ROBO2: variants seen among roughly 807,000 people sequenced by gnomAD.
ROBO2 encodes the protein roundabout homolog 2.
In ROBO2, 53 loss-of-function variants were observed where a neutral mutation model predicts 160.8. The observed-to-expected ratio is 0.33, with a 90% CI of 0.26 to 0.41. The LOEUF (loss-of-function observed/expected upper bound fraction) is 0.41. Ranked by LOEUF, ROBO2 falls within the 10% of genes least tolerant of loss-of-function variation. The probability of loss-of-function intolerance (pLI) is 1.00; values close to 1 mark genes in which losing one functional copy is unlikely to be tolerated. For synonymous variants in ROBO2, 664 were observed against 611.7 expected, an observed-to-expected ratio of 1.09 and a Z score of -1.26; for missense variants, 1,577 against 1,722.4, an observed-to-expected ratio of 0.92 and a Z score of 1.49.
At chr3:76,029,888 G>C (rs2066862759) in intron 2 of ROBO2, among the ~76,000 whole-genome samples, 1 of 152,250 alleles carries the variant, frequency 6.6e-6, no homozygotes, top group East Asian at 1.9e-4. Context: ...CCCAGTAATG[G>C]AATTGCTGGG....
chr3:76,603,332 C>CAAA (rs61547121), intron 2 of ROBO2, among the ~76,000 whole-genome samples: 8 of 66,526 alleles, frequency 1.2e-4, no homozygotes, highest in East Asian at 8.1e-4. Flanking sequence ...ACTCCATCTC[C>CAAA]AAAAAAAAAA....
intron 2 of ROBO2, among the ~76,000 whole-genome samples, chr3:76,438,518 C>CT (rs2076784863): frequency 6.6e-6 from 1 of 151,736 alleles, no homozygotes; most frequent in Non-Finnish European, 1.5e-5. Context: ...TTTCACTGCT[C>CT]TACCTAATAT....
At chr3:76,873,824 A>G (rs534471531) in intron 2 of ROBO2, among the ~76,000 whole-genome samples, 3 of 152,182 alleles carry the variant, frequency 2.0e-5, no homozygotes, top group Non-Finnish European at 2.9e-5. Context: ...GCTGCTTAGA[A>G]AAGAGGTTCT....
chr3:77,205,898 A>T (rs1424813324), intron 2 of ROBO2, among the ~76,000 whole-genome samples: 1 of 152,132 alleles, frequency 6.6e-6, no homozygotes, highest in Non-Finnish European at 1.5e-5. Context: ...GGTGACTGTA[A>T]CAATTTACTA....
chr3:76,952,367 C>A (rs1425732969), intron 2 of ROBO2, among the ~76,000 whole-genome samples: 2 of 152,140 alleles, frequency 1.3e-5, no homozygotes, highest in East Asian at 3.9e-4. Context: ...ACCACAACCT[C>A]CGCCTCCCGG....
chr3:75,928,609 A>C (rs931241950), intron 1 of ROBO2, among the ~76,000 whole-genome samples: 2 of 152,234 alleles, frequency 1.3e-5, no homozygotes, highest in African/African-American at 4.8e-5. Flanking sequence ...GAGCCAAGTC[A>C]GTTCCCAGAG....
intron 2 of ROBO2, among the ~76,000 whole-genome samples, chr3:76,254,002 T>C (rs1405228064): frequency 6.6e-6 from 1 of 152,142 alleles, no homozygotes; most frequent in Non-Finnish European, 1.5e-5. Flanking sequence ...TATGCTATGA[T>C]AGCAATACAT....
chr3:77,151,313 T>C (rs192473407), intron 2 of ROBO2, among the ~76,000 whole-genome samples: 2 of 152,262 alleles, frequency 1.3e-5, no homozygotes, highest in Admixed American at 6.5e-5. Flanking sequence ...TGATGCTAAC[T>C]GGATTCAGAA....
At chr3:77,034,112 G>A (rs542545599) in intron 2 of ROBO2, among the ~76,000 whole-genome samples, 1 of 151,790 alleles carries the variant, frequency 6.6e-6, no homozygotes, top group African/African-American at 2.4e-5. Context: ...TTTTTGCTAA[G>A]TGAAAGACTA....
chr3:77,354,179 C>A (rs544847895), intron 2 of ROBO2, among the ~76,000 whole-genome samples: 2 of 152,282 alleles, frequency 1.3e-5, no homozygotes, highest in South Asian at 4.1e-4. Context: ...AAGGGCAATA[C>A]CAGGAATAGT....
At chr3:76,110,530 A>G (rs2070180692) in intron 2 of ROBO2, among the ~76,000 whole-genome samples, 1 of 152,148 alleles carries the variant, frequency 6.6e-6, no homozygotes, top group Non-Finnish European at 1.5e-5. Context: ...GTTAAATATA[A>G]GATGGAAAAT....
chr3:76,921,026 A>G (rs1198615430), intron 2 of ROBO2, among the ~76,000 whole-genome samples: 1 of 152,138 alleles, frequency 6.6e-6, no homozygotes, highest in African/African-American at 2.4e-5. Flanking sequence ...TGAGCCAGAG[A>G]ATGGAGGGTG....
intron 2 of ROBO2, among the ~76,000 whole-genome samples, chr3:76,006,343 C>T (rs1223193694): frequency 1.3e-5 from 2 of 152,070 alleles, no homozygotes; most frequent in Non-Finnish European, 2.9e-5. Flanking sequence ...TCTGGATCTT[C>T]CAGTGATAGC....
chr3:77,232,161 A>G (rs1453437472), intron 2 of ROBO2, among the ~76,000 whole-genome samples: 4 of 152,216 alleles, frequency 2.6e-5, no homozygotes, highest in South Asian at 2.1e-4. Context: ...CTGCTATTAT[A>G]AAGTTGCATT....
chr3:76,508,280 C>T (rs537337887), intron 2 of ROBO2, among the ~76,000 whole-genome samples: 4 of 152,152 alleles, frequency 2.6e-5, no homozygotes, highest in Admixed American at 1.3e-4. Flanking sequence ...ATTAGAACTA[C>T]GTTCAAATTT....
chr3:76,723,757 A>G (rs1358059171), intron 2 of ROBO2, among the ~76,000 whole-genome samples: 6 of 152,210 alleles, frequency 3.9e-5, no homozygotes, highest in African/African-American at 1.4e-4. Flanking sequence ...TCATACTGCT[A>G]TCAACAATAT....
At chr3:77,481,329 A>C (rs146882462) in intron 4 of ROBO2, 110 bp downstream of exon 4, 1 of 789,884 alleles carries the variant, frequency 1.3e-6, no homozygotes, top group East Asian at 3.3e-5. Context: ...CTCATGACTC[A>C]TGGTAAGCAG....
intron 2 of ROBO2, among the ~76,000 whole-genome samples, chr3:77,180,434 A>ATTTT (rs71104658): frequency 2.3e-4 from 19 of 81,652 alleles, no homozygotes; most frequent in East Asian, 2.0e-3. Context: ...ATATATATGT[A>ATTTT]TTTTTTTTTT....
intron 2 of ROBO2, among the ~76,000 whole-genome samples, chr3:76,931,702 G>A (rs2077356264): frequency 6.6e-6 from 1 of 151,780 alleles, no homozygotes; most frequent in South Asian, 2.1e-4. Flanking sequence ...TTAAATTTGA[G>A]ACAGAGTCTC....
Sources: gnomAD v4.1 joint callset for allele counts (sites outside exome capture counted in the v4.1 genomes callset) on GRCh38, gnomAD v4.1.1 for gene constraint, MANE v1.5 for transcripts, NCBI Gene and HGNC (gene_info 2026-07-23, HGNC 2026-07-21) for gene names.